The following TEP1 variants were observed in gnomAD, a reference collection of about 807,000 sequenced individuals.
TEP1 encodes telomerase associated protein 1, also known as telomerase protein component 1.
A neutral mutation model predicts 306.3 loss-of-function variants in TEP1; 241 were observed. The ratio of observed to expected loss-of-function variants is 0.79; its 90% CI spans 0.71 to 0.88. TEP1 has a LOEUF of 0.88. Ranked by LOEUF, TEP1 falls within the 40% of genes least tolerant of loss-of-function variation. TEP1 has a pLI of 0.00. For missense variants in TEP1, 3,051 were observed against 3,276.1 expected, an observed-to-expected ratio of 0.93 and a Z score of 1.68; for synonymous variants, 1,289 against 1,305.5, an observed-to-expected ratio of 0.99 and a Z score of 0.27.
chr14:20,382,260 G>T lies in TEP1; in HGVS notation c.4237C>A (p.Pro1413Thr). 6.2e-7 allele frequency: 1 copy of T among 1,614,162 alleles called. No individual in the cohort carries two copies. Among genetic ancestry groups the T allele is most frequent in the African/African-American group, 1.3e-5 (1 of 75,050 alleles). ...LEKEHGPDVL[P>T]QALTALEVTR... The stretch of plus-strand genomic sequence containing the variant: ...ACTTCTAGGGCAGTCAAGGCCTGGG[G>T]AAGGACATCAGGCCCGTGCTCCTTC... The change falls in exon 29 of 55, where the codon CCC (proline) becomes ACC (threonine). Residue 1413 changes from proline (P) to threonine (T), a missense_variant. Physicochemically the swap from Pro to Thr is conservative, Grantham distance 38. Around this residue, in one of 3 missense-constraint regions of TEP1, gnomAD observed 1,540 missense variants for 1,705.9 expected, o/e 0.90. Transcript: ENST00000262715.
Position 20,396,659 on chromosome 14 carries a change from G to T in TEP1, c.1621C>A (p.Arg541Ser). The T allele has an allele frequency of 1.2e-6, 2 of 1,611,984 alleles. No homozygotes were observed. Among genetic ancestry groups the T allele is most frequent in the Non-Finnish European group, 1.7e-6 (2 of 1,178,246 alleles). ...CNLLRVGISSRHHELILQRLQ... is the reference protein window; with the variant it reads ...CNLLRVGISSSHHELILQRLQ... ...CTCTGGAGAATGAGCTCATGGTGGCGGGAACTGATTCCAACCCGCAGCAGG... is the reference window on the plus strand; with the variant it reads ...CTCTGGAGAATGAGCTCATGGTGGCTGGAACTGATTCCAACCCGCAGCAGG... Residue 541 changes from arginine to serine, a missense_variant, in exon 10 of 55, where the codon CGC becomes AGC. Physicochemically the swap from Arg to Ser is moderately radical, Grantham distance 110. Transcript: ENST00000262715.
chr14:20,377,870 C>T, intron 39 of TEP1, 117 bp from the exon 40 acceptor site: 3 of 1,472,656 alleles, frequency 2.0e-6, no homozygotes. Flanking sequence ...CTCATGAGAG[C>T]TGCCCCTGCA....
intron 1 of TEP1, among the ~76,000 whole-genome samples, chr14:20,410,802 GTTTTTTTTT>G (rs61662364): frequency 1.2e-4 from 3 of 25,226 alleles, no homozygotes; most frequent in East Asian, 1.2e-3. Flanking sequence ...CTCCTTTGTG[GTTTTTTTTT>G]TTTTTTTTTT....
At chr14:20,398,507 A>T (rs1227488585) in intron 9 of TEP1, among the ~76,000 whole-genome samples, 10 of 87,400 alleles carry the variant, frequency 1.1e-4, no homozygotes, top group African/African-American at 1.5e-4. Context: ...AACCAAAATT[A>T]AAAAAAAAAA....
intron 51 of TEP1, 71 bp downstream of exon 51, chr14:20,371,147 C>T (rs773002131): frequency 6.7e-5 from 90 of 1,342,666 alleles, no homozygotes; most frequent in African/African-American, 1.9e-4. Context: ...TCCTCCATGA[C>T]GGGCCCCAAG....
chr14:20,380,195 T>C, intron 34 of TEP1, 40 bp downstream of exon 34: 1 of 1,598,028 alleles, frequency 6.3e-7, no homozygotes, highest in African/African-American at 1.3e-5. Flanking sequence ...TGCAGCTTGC[T>C]CTCTGGTGGG....
At chr14:20,376,981 C>T (rs1173413888) in intron 41 of TEP1, among the ~76,000 whole-genome samples, 1 of 152,036 alleles carries the variant, frequency 6.6e-6, no homozygotes, top group Non-Finnish European at 1.5e-5. Flanking sequence ...TTTGGGAGGC[C>T]GAGGTGGGTG....
intron 13 of TEP1, 135 bp from the exon 14 acceptor site, chr14:20,391,231 G>T (rs954411500): frequency 2.2e-6 from 2 of 929,824 alleles, no homozygotes; most frequent in Admixed American, 5.3e-5. Flanking sequence ...GTTAGGAGGG[G>T]TCAGCTTCAG....
intron 35 of TEP1, 133 bp downstream of exon 35, chr14:20,379,797 T>G: frequency 6.5e-5 from 81 of 1,245,486 alleles, no homozygotes; most frequent in Non-Finnish European, 7.7e-5. Flanking sequence ...CCAAGCCCTT[T>G]GAGCTGATGT....
rs1408349227 is a variant in TEP1, at chr14:20,407,901, G to A, written c.539C>T (p.Ala180Val). The change falls in exon 2 of 55, where the codon GCC (alanine) becomes GTC (valine). Residue 180 changes from alanine to valine, a missense_variant. Coordinates refer to ENST00000262715, the MANE Select transcript of TEP1 (RefSeq NM_007110.5). Reference sequence around the variant, plus strand: ...AGTTGCTTCCTGAGCTGTCTCTGTGGCAGAGATGGATTTCAGGGCTATAGG... The same window carrying A: ...AGTTGCTTCCTGAGCTGTCTCTGTGACAGAGATGGATTTCAGGGCTATAGG... The part of the protein sequence containing the change: ...TCPIALKSIS[A>V]TETAQEATLG... 5 of 1,604,608 alleles carry A rather than the reference G, an allele frequency of 3.1e-6. No homozygotes were observed. Among genetic ancestry groups the A allele is most frequent in the East Asian group, 2.2e-5 (1 of 44,668 alleles).
intron 18 of TEP1, among the ~76,000 whole-genome samples, chr14:20,387,004 G>A (rs550922188): frequency 2.7e-4 from 40 of 150,840 alleles, no homozygotes; most frequent in African/African-American, 9.7e-4. Flanking sequence ...GCGCGATCTC[G>A]GCTCACTGCA....
intron 5 of TEP1, among the ~76,000 whole-genome samples, chr14:20,404,116 A>G (rs1878975411): frequency 6.6e-6 from 1 of 152,170 alleles, no homozygotes; most frequent in Non-Finnish European, 1.5e-5. Context: ...GCACTTAGGG[A>G]GGCCAAGGCC....
At position 20,377,722 on chromosome 14, in the gene TEP1, G is replaced by A. The variant is rs370712702; in HGVS notation, c.5753C>T (p.Pro1918Leu). 7.1e-5 allele frequency: 115 copies of A among 1,613,678 alleles called. No homozygotes were observed. Among genetic ancestry groups the A allele is most frequent in the Non-Finnish European group, 8.6e-5 (102 of 1,179,958 alleles). Residue 1918 changes from proline (P) to leucine (L), a missense_variant, in exon 40 of 55, where the codon CCC becomes CTC. By Grantham distance (98) the Pro-to-Leu change is moderately conservative. This residue lies in a region of TEP1 where 1,540 missense variants were observed against 1,705.9 expected (regional missense o/e 0.90). Transcript: ENST00000262715. ...VQVWSGSLGR[P>L]RGHLGSLSLS... ...AGAAAGGGAACCCAGGTGCCCACGG[G>A]GCCGACCCAGAGACCCTGACCACAC...
At position 20,382,041 on chromosome 14, in the gene TEP1, G is replaced by A. The variant is rs748042124; in HGVS notation, c.4296C>T (p.His1432=). 22 of 1,613,996 alleles carry A rather than the reference G, an allele frequency of 1.4e-5. No homozygotes were observed. Among genetic ancestry groups the A allele is most frequent in the Middle Eastern group, 1.6e-4 (1 of 6,084 alleles). The part of the protein sequence containing the change: ...TRSGLTVDQL[H]GVLSVWRTLP... ...GTGTCCGCCACACACTCAGCACTCC[G>A]TGCAGCTGGTCCACAGTCAAACCTG... Residue 1432 remains histidine, a synonymous_variant, in exon 30 of 55, where the codon CAC becomes CAT. Transcript: ENST00000262715.
Position 20,407,986 on chromosome 14 carries a change from A to G in TEP1, c.454T>C (p.Ser152Pro). 6.2e-7 allele frequency: 1 copy of G among 1,614,228 alleles called. No individual in the cohort carries two copies. The highest frequency in any genetic ancestry group is 8.5e-7 in the Non-Finnish European group (1 of 1,180,040). The change falls in exon 2 of 55, where the codon TCT becomes CCT. Residue 152 changes from serine to proline, a missense_variant. Physicochemically the swap from Ser to Pro is moderately conservative, Grantham distance 74. Around this residue, in one of 3 missense-constraint regions of TEP1, gnomAD observed 1,507 missense variants for 1,550.5 expected, o/e 0.97. Coordinates refer to ENST00000262715, the MANE Select transcript of TEP1 (RefSeq NM_007110.5). ...TGAGCCCTCCAACTTGGAGGCTCAGAGAGCAGGCAATTGCTGTTGTTCACA... is the reference window on the plus strand; with the variant it reads ...TGAGCCCTCCAACTTGGAGGCTCAGGGAGCAGGCAATTGCTGTTGTTCACA... ...YRVNNSNCLL[S>P]EPPSWRAQHF... is the part of the protein sequence containing the mutation.
intron 18 of TEP1, 101 bp downstream of exon 18, chr14:20,387,804 G>A (rs1877327810): frequency 7.1e-7 from 1 of 1,414,442 alleles, no homozygotes; most frequent in Non-Finnish European, 9.5e-7. Context: ...TTCATGAAGA[G>A]AACAAGCGGC....
intron 9 of TEP1, among the ~76,000 whole-genome samples, chr14:20,398,285 G>A (rs1275523507): frequency 6.6e-6 from 1 of 151,424 alleles, no homozygotes; most frequent in Non-Finnish European, 1.5e-5. Context: ...GGCTGAAGCA[G>A]GAGAATCACT....
rs754230793 is a variant in TEP1 at position 20,384,494 on chromosome 14, CA to C, written c.3235del (p.Trp1079GlyfsTer28). The stretch of plus-strand genomic sequence containing the variant: ...GGGCCGGCCAGCTGCCACACCCCCC[CA>C]CTCACAGGGGTATCTGTGGGCAAAT... ...GITCRRYPCE[W>X]GGVAAGRPYV... is the part of the protein sequence containing the mutation. On this transcript the variant is annotated frameshift_variant, in exon 23 of 55. Transcript: ENST00000262715. LOFTEE classifies it high-confidence loss of function. 3.3e-5 allele frequency: 53 copies of C among 1,614,036 alleles called. No individual in the cohort carries two copies. The highest frequency in any genetic ancestry group is 4.2e-5 in the Non-Finnish European group (50 of 1,180,046).
Position 20,378,052 on chromosome 14 carries a change from T to A in TEP1, c.5693A>T (p.Gln1898Leu), listed in dbSNP as rs568469698. Residue 1898 changes from glutamine (Q) to leucine (L), a missense_variant, in exon 39 of 55, where the codon CAG becomes CTG. By Grantham distance (113) the Gln-to-Leu change is moderately radical. This residue lies in a region of TEP1 where 1,540 missense variants were observed against 1,705.9 expected (regional missense o/e 0.90). Coordinates refer to ENST00000262715, the MANE Select transcript of TEP1 (RefSeq NM_007110.5). The part of the protein sequence containing the change: ...AAALFLHAGC[Q>L]LLTAGEDGKV... ...GCCATCCTCTCCAGCCGTCAGTAAC[T>A]GGCAACCCGCATGCAGGAAAAGCGC... is the stretch of plus-strand genomic sequence containing the variant. 1.2e-6 allele frequency: 2 copies of A among 1,613,278 alleles called. No homozygotes were observed. Among genetic ancestry groups the A allele is most frequent in the African/African-American group, 2.7e-5 (2 of 74,812 alleles).
Sources: gnomAD v4.1 joint callset for allele counts (sites outside exome capture counted in the v4.1 genomes callset) on GRCh38, gnomAD v4.1.1 for gene constraint, gnomAD v4.1.1 regional missense constraint, MANE v1.5 for transcripts, NCBI Gene and HGNC (gene_info 2026-07-23, HGNC 2026-07-21) for gene names.